The following ILKAP variants were observed in gnomAD, a reference collection of about 807,000 sequenced individuals.
ILKAP encodes ILK associated serine/threonine phosphatase.
ILKAP carries 11 observed loss-of-function variants against 49.1 expected under a neutral mutation model. The observed-to-expected ratio is 0.22, with a 90% confidence interval of 0.14 to 0.37. The LOEUF (loss-of-function observed/expected upper bound fraction) is 0.37, where lower values mean the gene tolerates loss of function less well. ILKAP is among the 10% of genes least tolerant of loss of function. The pLI is 1.00. For synonymous variants in ILKAP, 186 were observed against 192.8 expected (o/e 0.96, Z 0.29); for missense variants, 363 against 510.8 (o/e 0.71, Z 2.79).
Position 238,194,510 on chromosome 2 carries a change from T to A in ILKAP, c.122-179A>T. The A allele has an allele frequency of 4.8e-6, 3 of 620,480 alleles. No individual in the cohort carries two copies. The South Asian group carries it at 6.7e-5, about 14-fold the overall frequency. 38.4% of individuals were successfully genotyped at this position (620,480 alleles called of 1,614,324 possible). A position where few individuals can be genotyped will look rare whatever the true frequency, so the allele number is the denominator to read the frequency against. ...TTGAACCTATTTTAAAGTCCTATTA[T>A]TTCAAAGGAAATAAAAATCTGCCTT... On this transcript the variant is annotated intron_variant, in intron 2 of 11. Coordinates refer to ENST00000254654, the MANE Select transcript of ILKAP (RefSeq NM_030768.3).
chr2:238,193,818 T>C (rs1694242548), intron 3 of ILKAP, among the ~76,000 whole-genome samples: 1 of 152,198 alleles, frequency 6.6e-6, no homozygotes. Flanking sequence ...TGAGACAGAA[T>C]CATACCTTTG....
chr2:238,180,444 C>G (rs1452196587), intron 9 of ILKAP, among the ~76,000 whole-genome samples: 1 of 152,224 alleles, frequency 6.6e-6, no homozygotes, highest in Non-Finnish European at 1.5e-5. Context: ...AACTTTTAAA[C>G]AGCTCAGCCT....
At chr2:238,191,432 A>C (rs1330636334) in intron 3 of ILKAP, among the ~76,000 whole-genome samples, 2 of 152,232 alleles carry the variant, frequency 1.3e-5, no homozygotes, top group Non-Finnish European at 2.9e-5. Context: ...CAAGAAGCGT[A>C]AATTAGTTGC....
At chr2:238,182,795 C>T (rs1362029659) in intron 8 of ILKAP, among the ~76,000 whole-genome samples, 2 of 152,204 alleles carry the variant, frequency 1.3e-5, no homozygotes, top group African/African-American at 4.8e-5. Context: ...TTTCTGAAGT[C>T]ATGTGGTCTA....
At chr2:238,179,623 G>A (rs1324164075) in intron 9 of ILKAP, among the ~76,000 whole-genome samples, 1 of 152,084 alleles carries the variant, frequency 6.6e-6, no homozygotes, top group East Asian at 1.9e-4. Context: ...GGAGCATCCG[G>A]CTGTCACCAC....
chr2:238,203,312 C>T (rs1407999062), intron 1 of ILKAP, among the ~76,000 whole-genome samples, 187 bp downstream of exon 1: 1 of 150,634 alleles, frequency 6.6e-6, no homozygotes, highest in African/African-American at 2.4e-5. Context: ...GCTCCGCGAG[C>T]GACCGGGCCT....
At chr2:238,179,902 G>T (rs186872486) in intron 9 of ILKAP, among the ~76,000 whole-genome samples, 1 of 152,224 alleles carries the variant, frequency 6.6e-6, no homozygotes, top group Admixed American at 6.5e-5. Flanking sequence ...AATGAGTCTC[G>T]GCAGGGTGCA....
rs1304659925 is a variant in ILKAP, at chr2:238,188,276, A to G, written c.299-19T>C. ...GAAGAGGCTAAGGAAAAGAGAACAA[A>G]AGAGCCAATACAAAACTGTGCCCAA... On this transcript the variant is annotated intron_variant, in intron 4 of 11. Transcript: ENST00000254654. The G allele has an allele frequency of 6.2e-7, 1 of 1,611,174 alleles. No homozygotes were observed. The highest frequency in any genetic ancestry group is 8.5e-7 in the Non-Finnish European group (1 of 1,178,732).
intron 1 of ILKAP, among the ~76,000 whole-genome samples, chr2:238,196,043 C>CAAAAA (rs71043116): frequency 0.24 from 16,356 of 67,816 alleles, 2,399 homozygotes; most frequent in Non-Finnish European, 0.3. Context: ...GACTCTGTCA[C>CAAAAA]AAAAAAAAAA....
At chr2:238,199,198 C>T (rs1172802147) in intron 1 of ILKAP, among the ~76,000 whole-genome samples, 1 of 152,220 alleles carries the variant, frequency 6.6e-6, no homozygotes, top group Non-Finnish European at 1.5e-5. Flanking sequence ...ACTCATTCGA[C>T]CAGATCCTTA....
chr2:238,180,176 A>AAAAG (rs915792397), intron 9 of ILKAP, among the ~76,000 whole-genome samples: 1 of 140,154 alleles, frequency 7.1e-6, no homozygotes, highest in African/African-American at 2.5e-5. Flanking sequence ...TCAAAAAAAA[A>AAAAG]AAAGAAAGAA....
At chr2:238,197,843 T>C (rs961537105) in intron 1 of ILKAP, among the ~76,000 whole-genome samples, 1 of 152,184 alleles carries the variant, frequency 6.6e-6, no homozygotes, top group African/African-American at 2.4e-5. Flanking sequence ...GGCACTATTC[T>C]AAGAGCTCCA....
At chr2:238,171,704 C>T (rs938726864) in intron 10 of ILKAP, among the ~76,000 whole-genome samples, 1 of 152,198 alleles carries the variant, frequency 6.6e-6, no homozygotes, top group African/African-American at 2.4e-5. Context: ...ATAGGCCTTA[C>T]ACCACTTCCA....
intron 1 of ILKAP, among the ~76,000 whole-genome samples, chr2:238,200,897 G>A (rs1435133959): frequency 6.6e-6 from 1 of 152,202 alleles, no homozygotes; most frequent in Non-Finnish European, 1.5e-5. Flanking sequence ...CATACATACT[G>A]TACTAATTTG....
intron 6 of ILKAP, among the ~76,000 whole-genome samples, chr2:238,184,467 G>A (rs1360376368): frequency 2.0e-5 from 3 of 152,116 alleles, no homozygotes; most frequent in African/African-American, 7.2e-5. Flanking sequence ...GATTACAGGC[G>A]TGGGTCACCA....
chr2:238,193,549 G>A (rs1288270893), intron 3 of ILKAP, among the ~76,000 whole-genome samples: 4 of 152,208 alleles, frequency 2.6e-5, no homozygotes, highest in Non-Finnish European at 5.9e-5. Context: ...TTACAACTAA[G>A]GGTACTATCT....
intron 8 of ILKAP, 90 bp from the exon 9 acceptor site, chr2:238,182,276 T>G (rs893611398): frequency 1.4e-6 from 2 of 1,465,822 alleles, no homozygotes; most frequent in Admixed American, 1.8e-5. Context: ...CAATGGAGTT[T>G]GAAGAAAACA....
intron 9 of ILKAP, among the ~76,000 whole-genome samples, chr2:238,175,888 G>C (rs1343939472): frequency 6.6e-6 from 1 of 151,794 alleles, no homozygotes; most frequent in African/African-American, 2.4e-5. Flanking sequence ...GGACTCAAAT[G>C]ATCCTCCTGC....
intron 9 of ILKAP, among the ~76,000 whole-genome samples, chr2:238,175,743 G>A (rs993392152): frequency 2.6e-5 from 4 of 152,116 alleles, no homozygotes; most frequent in Admixed American, 6.6e-5. Context: ...CACAGGCTTC[G>A]TCCTTCCCAG....
Sources: gnomAD v4.1 joint callset for allele counts (sites outside exome capture counted in the v4.1 genomes callset) on GRCh38, gnomAD v4.1.1 for gene constraint, MANE v1.5 for transcripts, NCBI Gene and HGNC (gene_info 2026-07-23, HGNC 2026-07-21) for gene names.